TP73: variants seen among roughly 807,000 people sequenced by gnomAD.
TP73 encodes the protein p53-like transcription factor.
TP73 carries 25 observed loss-of-function variants against 62.5 expected under a neutral mutation model. The ratio of observed to expected loss-of-function variants is 0.40; its 90% CI spans 0.29 to 0.56. The LOEUF (loss-of-function observed/expected upper bound fraction) is 0.56. Among genes scored for constraint, TP73 ranks in the 20% least tolerant of loss-of-function variants. TP73 has a pLI of 0.46. For synonymous variants in TP73, 423 were observed against 377.5 expected (o/e 1.12, Z -1.40); for missense variants, 754 against 913.3 (o/e 0.83, Z 2.25).
intron 3 of TP73, among the ~76,000 whole-genome samples, chr1:3,695,843 T>G (rs1638603861): frequency 6.6e-6 from 1 of 152,154 alleles, no homozygotes; most frequent in Admixed American, 6.5e-5. Flanking sequence ...GCTGGGACGA[T>G]CCAGGGAATG....
chr1:3,682,902 C>G (rs577907372), intron 2 of TP73, among the ~76,000 whole-genome samples, 158 bp from the exon 3 acceptor site: 18 of 152,254 alleles, frequency 1.2e-4, no homozygotes, highest in African/African-American at 4.1e-4. Context: ...CCTGGAATGG[C>G]AGGTGGAGGA....
At chr1:3,702,466 ACCCCAGCCCCCAGC>A (rs560852733) in intron 3 of TP73, among the ~76,000 whole-genome samples, 7 of 151,466 alleles carry the variant, frequency 4.6e-5, no homozygotes, top group Middle Eastern at 3.4e-3. Flanking sequence ...TGCTGCCCAC[ACCCCAGCCCCCAGC>A]CCCCAGCCCC....
At position 3,699,192 on chromosome 1, in the gene TP73, G is replaced by A. The variant is rs1199801116; in HGVS notation, c.187-8357G>A. Among the ~76,000 whole-genome samples the A allele has an allele frequency of 1.3e-5, 2 of 152,086 alleles. No individual in the cohort carries two copies. Among genetic ancestry groups the A allele is most frequent in the African/African-American group, 2.4e-5 (1 of 41,398 alleles). On this transcript the variant is annotated intron_variant, in intron 3 of 13. Transcript: ENST00000378295. This position sits in a 1 kb window ranked among gnomAD's most constrained non-coding sequence, Gnocchi z 4.1. ...TTGGCATTTCCATTCGTTTAATCAC[G>A]GGCTCCGGGAGATGCTGTGGGAAGT...
At chr1:3,658,128 A>T (rs1207997102) in intron 1 of TP73, among the ~76,000 whole-genome samples, 3 of 152,230 alleles carry the variant, frequency 2.0e-5, no homozygotes, top group Admixed American at 6.5e-5. Context: ...TGCTGGGGCC[A>T]GAGCAAGGGC....
In TP73 at chr1:3,684,698, T is replaced by G. The variant is rs1460849977; in HGVS notation, c.186+1518T>G. 2.0e-5 allele frequency among the ~76,000 whole-genome samples: 3 copies of G among 150,612 alleles called. No homozygotes were observed. In the South Asian group the frequency reaches 6.4e-4, roughly 32 times the overall value. On this transcript the variant is annotated intron_variant, in intron 3 of 13. Coordinates refer to ENST00000378295, the MANE Select transcript of TP73 (RefSeq NM_005427.4). ...CTTGGGCAGCCACAGTCCCGGGGGG[T>G]CAATTCCTCCGAGGAGCCCCTCAGC...
At chr1:3,683,863 C>T (rs573909576) in intron 3 of TP73, among the ~76,000 whole-genome samples, 6 of 152,322 alleles carry the variant, frequency 3.9e-5, no homozygotes, top group Non-Finnish European at 8.8e-5. Context: ...ACACAGGGAC[C>T]CCCAAAGGAA....
intron 3 of TP73, among the ~76,000 whole-genome samples, chr1:3,690,403 C>G (rs1161991464): frequency 2.0e-5 from 3 of 152,310 alleles, no homozygotes; most frequent in African/African-American, 7.2e-5. Context: ...ACCATGATCT[C>G]CAGGGCCGGG....
intron 1 of TP73, among the ~76,000 whole-genome samples, chr1:3,658,661 GT>G (rs1644918876): frequency 6.6e-6 from 1 of 152,206 alleles, no homozygotes; most frequent in Non-Finnish European, 1.5e-5. Context: ...AGAAAAGAGA[GT>G]TTTTTACTTT....
At chr1:3,693,746 G>A (rs1456443362) in intron 3 of TP73, among the ~76,000 whole-genome samples, 21 of 137,944 alleles carry the variant, frequency 1.5e-4, no homozygotes, top group African/African-American at 5.5e-4. Context: ...TGCAGCCTCA[G>A]CTCCTCCTCC....
At chr1:3,692,930 GC>G (rs1385312511) in intron 3 of TP73, among the ~76,000 whole-genome samples, 1 of 152,208 alleles carries the variant, frequency 6.6e-6, no homozygotes, top group African/African-American at 2.4e-5. Context: ...GCTGCCCGGT[GC>G]CCTGGGCGTC....
intron 1 of TP73, among the ~76,000 whole-genome samples, chr1:3,677,695 T>C (rs1361472889): frequency 2.7e-5 from 4 of 149,966 alleles, no homozygotes; most frequent in Non-Finnish European, 5.9e-5. Flanking sequence ...CTTCCCTTTT[T>C]TTTTTTTTTT....
At chr1:3,664,252 A>G (rs755160) in intron 1 of TP73, among the ~76,000 whole-genome samples, 40,413 of 151,904 alleles carry the variant, frequency 0.27, 5,591 homozygotes, top group East Asian at 0.36. Context: ...CCCCTACCAG[A>G]GGCGCTGCAT....
Position 3,670,263 on chromosome 1 carries a change from T to G in TP73, c.-33-12070T>G, listed in dbSNP as rs1169478749. Among the ~76,000 whole-genome samples the G allele has an allele frequency of 6.6e-6, 1 of 152,000 alleles. No individual in the cohort carries two copies. The highest frequency in any genetic ancestry group is 1.5e-5 in the Non-Finnish European group (1 of 68,004). On this transcript the variant is annotated intron_variant, in intron 1 of 13. Transcript: ENST00000378295. The surrounding 1 kb of genome is among the most constrained non-coding windows in gnomAD (Gnocchi z 5.9). ...ATGATGATGGGGCCGGGGGACCACA[T>G]GGGCACAGGCTTCTGGAATGTGGGT... is the stretch of plus-strand genomic sequence containing the variant.
rs976227740 is a variant in TP73, at chr1:3,734,069, AC to A, written c.*994del. The A allele has an allele frequency of 2.6e-5, 4 of 151,932 alleles. No homozygotes were observed. Among genetic ancestry groups the A allele is most frequent in the African/African-American group, 9.7e-5 (4 of 41,328 alleles). 9.4% of individuals were successfully genotyped at this position (151,932 alleles called of 1,614,324 possible). ...CGGGTGGGGAGGAAGCCTAGAGGGA[AC>A]CCCAGGAAGGGCAAATCCAGGCAAA... On this transcript the variant is annotated 3_prime_UTR_variant, in exon 14 of 14. Coordinates refer to ENST00000378295, the MANE Select transcript of TP73 (RefSeq NM_005427.4). This position sits in a 1 kb window ranked among gnomAD's most constrained non-coding sequence, Gnocchi z 4.4.
rs1037957377 is a variant in TP73, at chr1:3,670,568, A to G, written c.-33-11765A>G. On this transcript the variant is annotated intron_variant, in intron 1 of 13. Coordinates refer to ENST00000378295, the MANE Select transcript of TP73 (RefSeq NM_005427.4). The surrounding 1 kb of genome is among the most constrained non-coding windows in gnomAD (Gnocchi z 5.9). ...GTAATCCCAGCTACTGGGGAGGCTG[A>G]GTCAGAAGAATCATTTGAACCTGGA... is the stretch of plus-strand genomic sequence containing the variant. 1.2e-4 allele frequency among the ~76,000 whole-genome samples: 19 copies of G among 152,152 alleles called. No individual in the cohort carries two copies. Among genetic ancestry groups the G allele is most frequent in the Non-Finnish European group, 2.5e-4 (17 of 68,030 alleles).
intron 4 of TP73, among the ~76,000 whole-genome samples, chr1:3,716,572 GCCTC>G (rs1447169641): frequency 1.3e-5 from 2 of 152,226 alleles, no homozygotes; most frequent in African/African-American, 2.4e-5. Flanking sequence ...ATCCTGCCAG[GCCTC>G]CCTGACATCT....
intron 3 of TP73, among the ~76,000 whole-genome samples, chr1:3,700,171 G>C (rs975219949): frequency 1.3e-5 from 2 of 152,058 alleles, no homozygotes; most frequent in Non-Finnish European, 2.9e-5. Context: ...CCCAATGCAG[G>C]GACCAGGCTG....
chr1:3,716,149 C>G (rs186500088), intron 4 of TP73, among the ~76,000 whole-genome samples: 1 of 152,196 alleles, frequency 6.6e-6, no homozygotes, highest in African/African-American at 2.4e-5. Context: ...AGCAGGCCTC[C>G]GTCAGGGCTG....
intron 3 of TP73, among the ~76,000 whole-genome samples, chr1:3,697,324 C>T (rs908483747): frequency 6.6e-6 from 1 of 152,260 alleles, no homozygotes; most frequent in Non-Finnish European, 1.5e-5. Flanking sequence ...CCACCTCTCC[C>T]GCTATCCCCC....
Sources: allele counts gnomAD v4.1 joint callset (sites outside exome capture counted in the v4.1 genomes callset), GRCh38; gene constraint gnomAD v4.1.1; non-coding constraint Gnocchi (gnomAD v3.1); transcripts MANE v1.5; gene names NCBI Gene and HGNC (gene_info 2026-07-23, HGNC 2026-07-21).